IL3RA: variants seen among roughly 807,000 people sequenced by gnomAD.
The protein encoded by IL3RA is interleukin 3 receptor subunit alpha.
In IL3RA, 73 loss-of-function variants were observed where a neutral mutation model predicts 52.3. That is an observed-to-expected ratio of 1.40 (90% confidence interval 1.16 to 1.70). IL3RA has a LOEUF of 1.70. Ranked by LOEUF, IL3RA falls within the 40% of genes most tolerant of loss-of-function variation. IL3RA has a pLI of 0.00. For missense variants in IL3RA, 664 were observed against 504.4 expected, an observed-to-expected ratio of 1.32 and a Z score of -3.03; for synonymous variants, 260 against 194.0, an observed-to-expected ratio of 1.34 and a Z score of -2.83.
intron 8 of IL3RA, among the ~76,000 whole-genome samples, chrX:1,360,855 C>T (rs1214467044): frequency 3.3e-5 from 5 of 149,980 alleles, no homozygotes; most frequent in Non-Finnish European, 7.4e-5. Flanking sequence ...AGCTCTCTCC[C>T]TGTCTCTCTC....
chrX:1,348,289 G>C (rs1569520538), intron 3 of IL3RA, 142 bp from the exon 4 acceptor site: 3 of 692,598 alleles, frequency 4.3e-6, no homozygotes, highest in African/African-American at 1.8e-5. Context: ...GGAGGGAGAG[G>C]CTGCAGTGAG....
chrX:1,343,762 T>C (rs1487714494), intron 2 of IL3RA, among the ~76,000 whole-genome samples: 7 of 143,972 alleles, frequency 4.9e-5, no homozygotes, highest in Non-Finnish European at 6.0e-5. Context: ...AGAGACCTTC[T>C]TTTTCTTTCT....
intron 2 of IL3RA, among the ~76,000 whole-genome samples, chrX:1,343,830 C>G (rs111643333): frequency 2.9e-5 from 4 of 139,270 alleles, no homozygotes; most frequent in South Asian, 2.3e-4. Flanking sequence ...GAGTCTCGCT[C>G]TGTTACCCAG....
chrX:1,348,664 T>TTCTTTC, intron 4 of IL3RA, 119 bp downstream of exon 4: 2 of 454,692 alleles, frequency 4.4e-6, no homozygotes, highest in East Asian at 6.6e-5. Context: ...CTTTCTTTCT[T>TTCTTTC]TCTTTCTTTC....
intron 4 of IL3RA, among the ~76,000 whole-genome samples, chrX:1,350,184 G>T (rs1367994309): frequency 3.9e-5 from 6 of 152,036 alleles, no homozygotes; most frequent in Admixed American, 1.3e-4. Flanking sequence ...GCCGGGCGCA[G>T]TGGCTCACGC....
chrX:1,347,140 G>A (rs1416070294), intron 3 of IL3RA, among the ~76,000 whole-genome samples: 1 of 151,458 alleles, frequency 6.6e-6, no homozygotes. Flanking sequence ...CCCAATGTGC[G>A]GATTGCTATA....
chrX:1,377,727 G>T (rs1159911444), intron 9 of IL3RA, among the ~76,000 whole-genome samples: 1 of 149,156 alleles, frequency 6.7e-6, no homozygotes, highest in Non-Finnish European at 1.5e-5. Flanking sequence ...GGGCAGTGGC[G>T]CGATCACGGC....
chrX:1,345,039 G>A (rs1260054535), intron 2 of IL3RA, among the ~76,000 whole-genome samples: 1 of 150,700 alleles, frequency 6.6e-6, no homozygotes, highest in Non-Finnish European at 1.5e-5. Context: ...CGTGGTGGCG[G>A]GCGCCTGTAG....
At chrX:1,342,904 G>A (rs866932415) in intron 2 of IL3RA, among the ~76,000 whole-genome samples, 1 of 151,220 alleles carries the variant, frequency 6.6e-6, no homozygotes, top group African/African-American at 2.4e-5. Flanking sequence ...GTGAAACCCC[G>A]TCTCTACTAA....
chrX:1,349,306 C>T (rs2085971253), intron 4 of IL3RA, among the ~76,000 whole-genome samples: 1 of 151,718 alleles, frequency 6.6e-6, no homozygotes, highest in African/African-American at 2.4e-5. Context: ...CTCAGCCTCC[C>T]GAGTAGCTGG....
Position 1,356,278 on chromosome X carries a change from A to G in IL3RA, c.674A>G (p.His225Arg). The change falls in exon 7 of 12, where the codon CAC becomes CGC. Residue 225 changes from histidine (H) to arginine (R), a missense_variant. His to Arg is a conservative substitution (Grantham distance 29, BLOSUM62 0). Transcript: ENST00000331035. Reference protein sequence around the residue: ...AKCNKTHSFMHWKMRSHFNRK... With the variant: ...AKCNKTHSFMRWKMRSHFNRK... ...TGTAATAAGACACATTCCTTTATGC[A>G]CTGGAAAATGAGAAGTCATTTCAAT... The G allele has an allele frequency of 6.2e-7, 1 of 1,613,746 alleles. No homozygotes were observed. The highest frequency in any genetic ancestry group is 8.5e-7 in the Non-Finnish European group (1 of 1,179,784).
intron 7 of IL3RA, among the ~76,000 whole-genome samples, chrX:1,357,978 G>A (rs1174858046): frequency 6.6e-6 from 1 of 151,420 alleles, no homozygotes; most frequent in Non-Finnish European, 1.5e-5. Context: ...GGTGGCGGGC[G>A]CCTGTAGTCC....
At chrX:1,367,956 G>A (rs1189569204) in intron 9 of IL3RA, among the ~76,000 whole-genome samples, 2 of 152,008 alleles carry the variant, frequency 1.3e-5, no homozygotes, top group African/African-American at 4.8e-5. Flanking sequence ...TCTTACTCAC[G>A]AGAGGAGACG....
Position 1,382,508 on chromosome X carries a change from G to A in IL3RA, c.*43G>A, listed in dbSNP as rs1237089182. The A allele has an allele frequency of 6.3e-7, 1 of 1,578,490 alleles. No homozygotes were observed. Among genetic ancestry groups the A allele is most frequent in the South Asian group, 1.1e-5 (1 of 90,334 alleles). The stretch of plus-strand genomic sequence containing the variant: ...TGTGGGGGTCTGCCTCAATCTCCCT[G>A]GCCGGGCCAGGCGCCTGCACAGACT... On this transcript the variant is annotated 3_prime_UTR_variant, in exon 12 of 12. Coordinates refer to ENST00000331035, the MANE Select transcript of IL3RA (RefSeq NM_002183.4).
chrX:1,381,873 G>A (rs2089191981), intron 11 of IL3RA, among the ~76,000 whole-genome samples: 2 of 151,712 alleles, frequency 1.3e-5, no homozygotes, highest in South Asian at 4.2e-4. Flanking sequence ...TGATACCTGT[G>A]TCCCTAAGAG....
intron 4 of IL3RA, 147 bp downstream of exon 4, chrX:1,348,692 TTTTCTTTCTTTCTG>T: frequency 3.6e-6 from 1 of 278,324 alleles, no homozygotes; most frequent in Admixed American, 7.1e-5. Context: ...CTTTCTTTCT[TTTTCTTTCTTTCTG>T]TTTCTGTTTC....
At chrX:1,362,165 CCTCT>C (rs377206464) in intron 8 of IL3RA, among the ~76,000 whole-genome samples, 2 of 148,334 alleles carry the variant, frequency 1.3e-5, no homozygotes, top group Non-Finnish European at 3.0e-5. Flanking sequence ...TTTCTCTTTC[CCTCT>C]CTCTTTGTAT....
intron 4 of IL3RA, among the ~76,000 whole-genome samples, 179 bp downstream of exon 4, chrX:1,348,724 C>CTT (rs1212756075): frequency 2.3e-4 from 14 of 60,254 alleles, no homozygotes; most frequent in African/African-American, 1.9e-3. Context: ...TTCTTTCTTC[C>CTT]TTTCTTTTTC....
At chrX:1,338,799 A>G (rs2085388505) in intron 1 of IL3RA, among the ~76,000 whole-genome samples, 1 of 145,244 alleles carries the variant, frequency 6.9e-6, no homozygotes. Context: ...TCTAGAAGAT[A>G]GAAGTGGTGG....
Sources: gnomAD v4.1 joint callset for allele counts (sites outside exome capture counted in the v4.1 genomes callset) on GRCh38, gnomAD v4.1.1 for gene constraint, MANE v1.5 for transcripts, NCBI Gene and HGNC (gene_info 2026-07-23, HGNC 2026-07-21) for gene names.